Variants in CACNA2D3 observed in about 807,000 individuals in gnomAD.
The protein encoded by CACNA2D3 is calcium voltage-gated channel auxiliary subunit alpha2delta 3.
A neutral mutation model predicts 160.6 loss-of-function variants in CACNA2D3; 60 were observed. The ratio of observed to expected loss-of-function variants is 0.37; its 90% CI spans 0.30 to 0.46. The LOEUF is 0.46. Among genes scored for constraint, CACNA2D3 ranks in the 20% least tolerant of loss-of-function variants. The pLI is 1.00. For missense variants in CACNA2D3, 1,205 were observed against 1,365.0 expected (o/e 0.88, Z 1.85); for synonymous variants, 558 against 492.9 (o/e 1.13, Z -1.75).
intron 27 of CACNA2D3, among the ~76,000 whole-genome samples, chr3:54,919,236 G>A (rs1426837276): frequency 3.3e-5 from 5 of 152,204 alleles, no homozygotes; most frequent in East Asian, 3.9e-4. Flanking sequence ...CACTGCATTC[G>A]TGCCACGCAT....
intron 9 of CACNA2D3, among the ~76,000 whole-genome samples, chr3:54,618,374 T>TATATATACACACACAC: frequency 7.3e-5 from 4 of 54,584 alleles, no homozygotes; most frequent in African/African-American, 1.1e-4. Context: ...TATATATATA[T>TATATATACACACACAC]GCACACACAC....
chr3:54,538,647 A>G (rs1701924764), intron 5 of CACNA2D3, among the ~76,000 whole-genome samples: 1 of 152,098 alleles, frequency 6.6e-6, no homozygotes, highest in East Asian at 1.9e-4. Context: ...TTCTCCTAAC[A>G]GACTTAGCCC....
At chr3:54,148,273 G>C (rs1269300599) in intron 2 of CACNA2D3, among the ~76,000 whole-genome samples, 1 of 152,224 alleles carries the variant, frequency 6.6e-6, no homozygotes, top group Non-Finnish European at 1.5e-5. Context: ...CTCACAATGT[G>C]GAGGGACAGG....
intron 29 of CACNA2D3, among the ~76,000 whole-genome samples, chr3:54,972,513 G>A (rs912581423): frequency 6.6e-6 from 1 of 152,068 alleles, no homozygotes; most frequent in African/African-American, 2.4e-5. Context: ...GAATGATCAG[G>A]TCTCCATTAA....
intron 2 of CACNA2D3, 53 bp from the exon 3 acceptor site, chr3:54,320,389 C>T (rs141786179): frequency 1.2e-6 from 1 of 821,850 alleles, no homozygotes; most frequent in African/African-American, 1.7e-5. Flanking sequence ...GAAATCACAG[C>T]TGTGGTGTTT....
chr3:54,189,019 G>A lies in CACNA2D3; in HGVS notation c.204+65425G>A, dbSNP rs370996343. On this transcript the variant is annotated intron_variant, in intron 2 of 37. Coordinates refer to ENST00000474759, the MANE Select transcript of CACNA2D3 (RefSeq NM_018398.3). ...ACATCCAGCCTGAGTCAAAAGTGAA[G>A]CCATGGCATCTAAGCCTCAGGCACA... Among the ~76,000 whole-genome samples, 7 of 152,292 alleles carry A rather than the reference G, an allele frequency of 4.6e-5. 1 individual carries two copies. Among genetic ancestry groups the A allele is most frequent in the Admixed American group, 2.6e-4 (4 of 15,298 alleles).
At chr3:54,463,888 C>A (rs1337985422) in intron 4 of CACNA2D3, among the ~76,000 whole-genome samples, 1 of 152,078 alleles carries the variant, frequency 6.6e-6, no homozygotes, top group African/African-American at 2.4e-5. Flanking sequence ...TGTTTTTTCC[C>A]CATCTTTGTG....
chr3:54,980,710 C>T (rs1433695032), intron 29 of CACNA2D3, among the ~76,000 whole-genome samples: 2 of 152,138 alleles, frequency 1.3e-5, no homozygotes, highest in African/African-American at 4.8e-5. Flanking sequence ...CATATGTCCC[C>T]AGGCCTTATC....
At chr3:54,253,338 G>A (rs1323593108) in intron 2 of CACNA2D3, among the ~76,000 whole-genome samples, 1 of 152,074 alleles carries the variant, frequency 6.6e-6, no homozygotes, top group Non-Finnish European at 1.5e-5. Flanking sequence ...GAAGCACAGC[G>A]GATTCTGCTT....
At chr3:54,613,041 A>G (rs921889650) in intron 9 of CACNA2D3, among the ~76,000 whole-genome samples, 1 of 152,242 alleles carries the variant, frequency 6.6e-6, no homozygotes, top group Non-Finnish European at 1.5e-5. Context: ...AGGTGGATAC[A>G]AACAATAAAT....
Position 54,750,373 on chromosome 3 carries a change from G to A in CACNA2D3, c.1168-2226G>A, listed in dbSNP as rs535622067. On this transcript the variant is annotated intron_variant, in intron 11 of 37. Coordinates refer to ENST00000474759, the MANE Select transcript of CACNA2D3 (RefSeq NM_018398.3). ...GGGGATACAAGTTTTTGTCGGTCTA[G>A]TGTTTCCCCTTTAAAGAGCTTAAAT... Among the ~76,000 whole-genome samples the A allele has an allele frequency of 5.4e-4, 83 of 152,322 alleles. 1 individual carries two copies. The highest frequency in any genetic ancestry group is 2.4e-3 in the Admixed American group (36 of 15,296).
At chr3:54,279,145 G>A (rs1361945694) in intron 2 of CACNA2D3, among the ~76,000 whole-genome samples, 1 of 152,314 alleles carries the variant, frequency 6.6e-6, no homozygotes, top group African/African-American at 2.4e-5. Flanking sequence ...AGGCTCCAAC[G>A]ATGGAGAGAT....
intron 2 of CACNA2D3, among the ~76,000 whole-genome samples, chr3:54,292,144 C>G (rs1043741940): frequency 6.6e-6 from 1 of 151,918 alleles, no homozygotes; most frequent in Non-Finnish European, 1.5e-5. Flanking sequence ...GGACCCCTAC[C>G]TCATACCATA....
intron 10 of CACNA2D3, among the ~76,000 whole-genome samples, chr3:54,634,735 A>G (rs1278391211): frequency 6.6e-6 from 1 of 152,184 alleles, no homozygotes; most frequent in Non-Finnish European, 1.5e-5. Flanking sequence ...GAGCCAGGAA[A>G]AGGACTTTCA....
chr3:54,495,446 A>G (rs1575488699), intron 4 of CACNA2D3, among the ~76,000 whole-genome samples: 1 of 152,128 alleles, frequency 6.6e-6, no homozygotes, highest in South Asian at 2.1e-4. Context: ...TAACCCATGT[A>G]TCATCAAGAT....
chr3:54,743,929 C>A (rs1701701030), intron 11 of CACNA2D3, among the ~76,000 whole-genome samples: 1 of 152,190 alleles, frequency 6.6e-6, no homozygotes, highest in South Asian at 2.1e-4. Flanking sequence ...TGTTTGAGTG[C>A]TGGCCCTTTG....
chr3:54,999,101 G>A (rs915581053), intron 31 of CACNA2D3, among the ~76,000 whole-genome samples: 2 of 152,146 alleles, frequency 1.3e-5, no homozygotes, highest in Admixed American at 6.5e-5. Flanking sequence ...GTAGGACCAG[G>A]GTTTTGTAAA....
At chr3:54,326,165 G>A (rs371865234) in intron 3 of CACNA2D3, among the ~76,000 whole-genome samples, 58 of 152,230 alleles carry the variant, frequency 3.8e-4, no homozygotes, top group Middle Eastern at 3.4e-3. Flanking sequence ...GCTTTTTATC[G>A]AGAAATTCCA....
chr3:54,891,786 CA>C (rs1700075730), intron 25 of CACNA2D3, among the ~76,000 whole-genome samples: 1 of 152,220 alleles, frequency 6.6e-6, no homozygotes, highest in African/African-American at 2.4e-5. Flanking sequence ...CATCTCGTAA[CA>C]AATGGCTTCA....
Sources: allele counts gnomAD v4.1 joint callset (sites outside exome capture counted in the v4.1 genomes callset), GRCh38; gene constraint gnomAD v4.1.1; transcripts MANE v1.5; gene names NCBI Gene and HGNC (gene_info 2026-07-23, HGNC 2026-07-21).